The following CYP2C19 variants were observed in gnomAD, a reference collection of about 807,000 sequenced individuals.
CYP2C19 encodes the protein cytochrome P450 family 2 subfamily C member 19.
In CYP2C19, 59 loss-of-function variants were observed where a neutral mutation model predicts 40.9. The ratio of observed to expected loss-of-function variants is 1.44; its 90% CI spans 1.17 to 1.79. The LOEUF (loss-of-function observed/expected upper bound fraction) is 1.79, where lower values mean the gene tolerates loss of function less well. CYP2C19 is among the 40% of genes most tolerant of loss of function. The pLI is 0.00. For missense variants in CYP2C19, 754 were observed against 596.9 expected (o/e 1.26, Z -2.74); for synonymous variants, 253 against 208.7 (o/e 1.21, Z -1.83).
chr10:94,838,196 C>A (rs548041778), intron 6 of CYP2C19, among the ~76,000 whole-genome samples: 2 of 152,258 alleles, frequency 1.3e-5, no homozygotes, highest in South Asian at 2.1e-4. Flanking sequence ...TCTGTGGCAC[C>A]AATCTCCATG....
chr10:94,836,606 C>T (rs1166356810), intron 6 of CYP2C19, among the ~76,000 whole-genome samples: 1 of 152,212 alleles, frequency 6.6e-6, no homozygotes, highest in Non-Finnish European at 1.5e-5. Context: ...TCAGCAGAAA[C>T]CTGTTATGCC....
intron 6 of CYP2C19, among the ~76,000 whole-genome samples, chr10:94,827,778 C>T (rs1018876230): frequency 6.6e-6 from 1 of 152,112 alleles, no homozygotes; most frequent in African/African-American, 2.4e-5. Context: ...TTGGATCTTT[C>T]CTGCCTTCTC....
intron 8 of CYP2C19, among the ~76,000 whole-genome samples, chr10:94,850,474 C>T (rs1354233810): frequency 6.6e-6 from 1 of 152,146 alleles, no homozygotes; most frequent in Admixed American, 6.6e-5. Flanking sequence ...AAATTATCCT[C>T]AAACACAGAA....
intron 6 of CYP2C19, among the ~76,000 whole-genome samples, chr10:94,821,297 A>T (rs1199208158): frequency 6.6e-6 from 1 of 152,190 alleles, no homozygotes; most frequent in African/African-American, 2.4e-5. Flanking sequence ...TTAAAAGGCC[A>T]TTTTGAACAG....
intron 5 of CYP2C19, among the ~76,000 whole-genome samples, chr10:94,810,769 C>A (rs1848911100): frequency 6.6e-6 from 1 of 151,930 alleles, no homozygotes; most frequent in African/African-American, 2.4e-5. Flanking sequence ...CTATTTGATT[C>A]TTCTTTCTTT....
chr10:94,784,002 C>G lies in CYP2C19; in HGVS notation c.819+2005C>G, dbSNP rs569966929. On this transcript the variant is annotated intron_variant, in intron 5 of 8. Coordinates refer to ENST00000371321, the MANE Select transcript of CYP2C19 (RefSeq NM_000769.4). Reference sequence around the variant, plus strand: ...AATGTTGTGCAACCATCAGCTTTCTCTGGTTTCAAAATGTTTTTATCACGC... The same window carrying G: ...AATGTTGTGCAACCATCAGCTTTCTGTGGTTTCAAAATGTTTTTATCACGC... Among the ~76,000 whole-genome samples, 53 of 152,250 alleles carry G rather than the reference C, an allele frequency of 3.5e-4. 1 individual carries two copies. The South Asian group carries it at 0.011, about 32-fold the overall frequency.
chr10:94,828,420 G>T (rs938530223), intron 6 of CYP2C19, among the ~76,000 whole-genome samples: 5 of 149,464 alleles, frequency 3.3e-5, no homozygotes, highest in African/African-American at 1.2e-4. Flanking sequence ...TTATGTAATG[G>T]CCTTCTTTGT....
At chr10:94,784,838 C>T (rs1036902127) in intron 5 of CYP2C19, among the ~76,000 whole-genome samples, 3 of 152,036 alleles carry the variant, frequency 2.0e-5, no homozygotes, top group African/African-American at 7.2e-5. Context: ...GATCTGCCCA[C>T]CTTGGCATCC....
chr10:94,824,396 T>G (rs1256837990), intron 6 of CYP2C19, among the ~76,000 whole-genome samples: 2 of 152,156 alleles, frequency 1.3e-5, no homozygotes, highest in East Asian at 1.9e-4. Context: ...TTTAGAAACG[T>G]GAATGTATTT....
chr10:94,851,443 CAAATAAATAAATAAATAAATAAAT>C (rs71031598), intron 8 of CYP2C19, among the ~76,000 whole-genome samples: 97 of 143,086 alleles, frequency 6.8e-4, no homozygotes, highest in Admixed American at 2.0e-3. Context: ...TACCAGCACA[CAAATAAATAAATAAATAAATAAAT>C]AAATAAATAA....
chr10:94,825,185 C>A (rs1299858209), intron 6 of CYP2C19, among the ~76,000 whole-genome samples: 2 of 144,938 alleles, frequency 1.4e-5, no homozygotes, highest in East Asian at 4.0e-4. Flanking sequence ...AATGGGATGG[C>A]TGGGTCAAAT....
At chr10:94,796,249 A>T (rs1848684709) in intron 5 of CYP2C19, among the ~76,000 whole-genome samples, 1 of 152,288 alleles carries the variant, frequency 6.6e-6, no homozygotes, top group Non-Finnish European at 1.5e-5. Flanking sequence ...TATTTGTTAA[A>T]CAGGGAATCC....
chr10:94,842,599 A>C (rs970157837), intron 6 of CYP2C19, among the ~76,000 whole-genome samples: 1 of 151,332 alleles, frequency 6.6e-6, no homozygotes, highest in Non-Finnish European at 1.5e-5. Flanking sequence ...TCCTTTATTG[A>C]TAATAATTTT....
chr10:94,821,359 A>G (rs778006411), intron 6 of CYP2C19, among the ~76,000 whole-genome samples: 7 of 152,224 alleles, frequency 4.6e-5, no homozygotes, highest in Non-Finnish European at 8.8e-5. Context: ...TCAGGTTCAA[A>G]TGCTGGAGTA....
In CYP2C19 at chr10:94,771,540, C is replaced by T. The variant is rs1036015821; in HGVS notation, c.169-3518C>T. On this transcript the variant is annotated intron_variant, in intron 1 of 8. Coordinates refer to ENST00000371321, the MANE Select transcript of CYP2C19 (RefSeq NM_000769.4). Reference sequence around the variant, plus strand: ...CCCCATCAGAGAGAGAATAGTGGGGCCAGGCCATAGTGCAGAAAAAAATGA... The same window carrying T: ...CCCCATCAGAGAGAGAATAGTGGGGTCAGGCCATAGTGCAGAAAAAAATGA... Among the ~76,000 whole-genome samples, 3 of 152,060 alleles carry T rather than the reference C, an allele frequency of 2.0e-5. No individual in the cohort carries two copies. The South Asian group carries it at 6.2e-4, about 32-fold the overall frequency.
At position 94,840,780 on chromosome 10, in the gene CYP2C19, C is replaced by T. The variant is rs192353935; in HGVS notation, c.962-2057C>T. Among the ~76,000 whole-genome samples, 520 of 152,328 alleles carry T rather than the reference C, an allele frequency of 3.4e-3. 12 individuals carry two copies. In the South Asian group the frequency reaches 0.052, roughly 15 times the overall value. On this transcript the variant is annotated intron_variant, in intron 6 of 8. Transcript: ENST00000371321. ...TCCCCAAGAAAATTGGAAGTGGAAGCTGGCTCCAGGCAGACCAACATTCCC... is the reference window on the plus strand; with the variant it reads ...TCCCCAAGAAAATTGGAAGTGGAAGTTGGCTCCAGGCAGACCAACATTCCC...
chr10:94,813,784 G>A (rs890165550), intron 5 of CYP2C19, among the ~76,000 whole-genome samples: 2 of 151,046 alleles, frequency 1.3e-5, no homozygotes, highest in Non-Finnish European at 2.9e-5. Context: ...CCTCTTTCCA[G>A]GGGACTGAAT....
intron 6 of CYP2C19, among the ~76,000 whole-genome samples, chr10:94,837,623 G>C (rs921320304): frequency 6.6e-6 from 1 of 152,184 alleles, no homozygotes; most frequent in Non-Finnish European, 1.5e-5. Context: ...GTGACTGGCT[G>C]TCCTAGGACC....
At chr10:94,844,736 C>G (rs945218387) in intron 7 of CYP2C19, among the ~76,000 whole-genome samples, 5 of 152,178 alleles carry the variant, frequency 3.3e-5, no homozygotes, top group African/African-American at 1.2e-4. Context: ...GACTTCAATG[C>G]ACTCTGTTTT....
Sources: allele counts gnomAD v4.1 joint callset (sites outside exome capture counted in the v4.1 genomes callset), GRCh38; gene constraint gnomAD v4.1.1; transcripts MANE v1.5; gene names NCBI Gene and HGNC (gene_info 2026-07-23, HGNC 2026-07-21).